The following BRINP3 variants were observed in gnomAD, a reference collection of about 807,000 sequenced individuals.
The protein encoded by BRINP3 is BMP/retinoic acid-inducible neural-specific protein 3.
A neutral mutation model predicts 71.0 loss-of-function variants in BRINP3; 19 were observed. The ratio of observed to expected loss-of-function variants is 0.27; its 90% confidence interval spans 0.19 to 0.39. BRINP3 has a LOEUF of 0.39. Among genes scored for constraint, BRINP3 ranks in the 10% least tolerant of loss-of-function variants. The pLI is 1.00. For synonymous variants in BRINP3, 380 were observed against 337.7 expected (o/e 1.13, Z -1.37); for missense variants, 959 against 940.8 (o/e 1.02, Z -0.25).
chr1:190,264,101 A>G (rs1661436443), intron 4 of BRINP3, among the ~76,000 whole-genome samples: 1 of 152,170 alleles, frequency 6.6e-6, no homozygotes. Flanking sequence ...CCATTTGACA[A>G]ATGAAATTAC....
chr1:190,296,071 T>A (rs1385982324), intron 2 of BRINP3, among the ~76,000 whole-genome samples: 2 of 146,436 alleles, frequency 1.4e-5, no homozygotes, highest in South Asian at 2.3e-4. Flanking sequence ...TTGTGGTTTT[T>A]TTTTTGGGGG....
chr1:190,476,335 C>G (rs1677503310), intron 1 of BRINP3, among the ~76,000 whole-genome samples: 2 of 151,210 alleles, frequency 1.3e-5, no homozygotes, highest in African/African-American at 4.9e-5. Context: ...TTGTAGAGAC[C>G]AGGAACTTGT....
At chr1:190,436,841 T>C (rs918307934) in intron 2 of BRINP3, among the ~76,000 whole-genome samples, 9 of 151,850 alleles carry the variant, frequency 5.9e-5, no homozygotes, top group Non-Finnish European at 4.4e-5. Context: ...GTCATTATTG[T>C]ATTTATTGAG....
At chr1:190,398,941 C>A (rs1292458640) in intron 2 of BRINP3, among the ~76,000 whole-genome samples, 1 of 151,954 alleles carries the variant, frequency 6.6e-6, no homozygotes, top group Admixed American at 6.6e-5. Flanking sequence ...CCCTGAGATA[C>A]CCGTCTTCCA....
intron 5 of BRINP3, among the ~76,000 whole-genome samples, chr1:190,233,552 T>A (rs1658215196): frequency 6.6e-6 from 1 of 152,154 alleles, no homozygotes; most frequent in Admixed American, 6.6e-5. Context: ...TAAGCATTTT[T>A]ATGTAAAACT....
chr1:190,408,693 C>A (rs1672463935), intron 2 of BRINP3, among the ~76,000 whole-genome samples: 1 of 152,250 alleles, frequency 6.6e-6, no homozygotes, highest in South Asian at 2.1e-4. Flanking sequence ...ATACATTATA[C>A]AATTAGTTTT....
At chr1:190,303,566 A>C (rs745393821) in intron 2 of BRINP3, among the ~76,000 whole-genome samples, 9 of 151,780 alleles carry the variant, frequency 5.9e-5, no homozygotes, top group Admixed American at 4.6e-4. Context: ...ATTTTTAATA[A>C]AATTGCAATT....
chr1:190,226,396 C>G, intron 5 of BRINP3, 78 bp from the exon 6 acceptor site: 2 of 763,720 alleles, frequency 2.6e-6, no homozygotes, highest in Non-Finnish European at 3.9e-6. Context: ...AATATTCAAT[C>G]AAAACAGTAA....
chr1:190,403,646 A>C (rs752905997), intron 2 of BRINP3, among the ~76,000 whole-genome samples: 5 of 152,226 alleles, frequency 3.3e-5, no homozygotes, highest in Non-Finnish European at 7.3e-5. Flanking sequence ...TCAGTGTATT[A>C]GAATGTGAAT....
intron 7 of BRINP3, among the ~76,000 whole-genome samples, chr1:190,106,800 T>C (rs538026561): frequency 6.6e-6 from 1 of 152,018 alleles, no homozygotes; most frequent in African/African-American, 2.4e-5. Context: ...TGTTTTTCTT[T>C]AAAATATGTT....
At chr1:190,206,286 A>G (rs1483329704) in intron 6 of BRINP3, among the ~76,000 whole-genome samples, 1 of 152,090 alleles carries the variant, frequency 6.6e-6, no homozygotes, top group Non-Finnish European at 1.5e-5. Flanking sequence ...ATGCTTGAGT[A>G]GTTTATGACA....
intron 7 of BRINP3, among the ~76,000 whole-genome samples, chr1:190,130,739 G>C (rs1654469334): frequency 6.6e-6 from 1 of 152,000 alleles, no homozygotes; most frequent in Non-Finnish European, 1.5e-5. Context: ...CACGTGACAA[G>C]TTCTTGACCA....
chr1:190,379,607 A>T (rs1670391119), intron 2 of BRINP3, among the ~76,000 whole-genome samples: 1 of 152,140 alleles, frequency 6.6e-6, no homozygotes, highest in African/African-American at 2.4e-5. Flanking sequence ...CAGGGCCTGA[A>T]GATCAAGGTA....
rs537613185 is a variant in BRINP3 at position 190,436,308 on chromosome 1, T to C, written c.236+18347A>G. The stretch of plus-strand genomic sequence containing the variant: ...TTGTTGTTGTTCTGTTCTGATTTTA[T>C]GTAGATTAACCAAAGGTCAAAGAGG... On this transcript the variant is annotated intron_variant, in intron 2 of 7. Coordinates refer to ENST00000367462, the MANE Select transcript of BRINP3 (RefSeq NM_199051.3). Among the ~76,000 whole-genome samples, 6 of 152,048 alleles carry C rather than the reference T, an allele frequency of 3.9e-5. No individual in the cohort carries two copies. In the South Asian group the frequency reaches 1.2e-3, roughly 32 times the overall value.
intron 7 of BRINP3, among the ~76,000 whole-genome samples, chr1:190,140,746 T>C (rs1352128923): frequency 6.6e-6 from 1 of 152,208 alleles, no homozygotes; most frequent in Admixed American, 6.5e-5. Context: ...AATTCAAGGA[T>C]ACCAAAATTA....
At chr1:190,358,876 C>G (rs1668930596) in intron 2 of BRINP3, among the ~76,000 whole-genome samples, 1 of 152,076 alleles carries the variant, frequency 6.6e-6, no homozygotes. Context: ...ATGGATGCAG[C>G]TGGAAACCAT....
intron 2 of BRINP3, among the ~76,000 whole-genome samples, chr1:190,364,024 C>T (rs1424436886): frequency 1.3e-5 from 2 of 151,180 alleles, no homozygotes; most frequent in East Asian, 3.9e-4. Context: ...TATTAGAGTA[C>T]ACTTTTATGT....
At chr1:190,168,965 T>G (rs943123070) in intron 6 of BRINP3, among the ~76,000 whole-genome samples, 1 of 152,186 alleles carries the variant, frequency 6.6e-6, no homozygotes, top group Non-Finnish European at 1.5e-5. Flanking sequence ...GAGTTAAAGA[T>G]TCTCATTGTA....
At chr1:190,449,103 A>G (rs1044949432) in intron 2 of BRINP3, among the ~76,000 whole-genome samples, 1 of 152,046 alleles carries the variant, frequency 6.6e-6, no homozygotes, top group African/African-American at 2.4e-5. Context: ...ATTGTTAAAT[A>G]CTGTCTCTTC....
Sources: gnomAD v4.1 joint callset for allele counts (sites outside exome capture counted in the v4.1 genomes callset) on GRCh38, gnomAD v4.1.1 for gene constraint, MANE v1.5 for transcripts, NCBI Gene and HGNC (gene_info 2026-07-23, HGNC 2026-07-21) for gene names.